NT5DC2: variants seen among roughly 807,000 people sequenced by gnomAD.
NT5DC2 encodes 5'-nucleotidase domain-containing protein 2.
In NT5DC2, 41 loss-of-function variants were observed where a neutral mutation model predicts 70.0. The ratio of observed to expected loss-of-function variants is 0.59; its 90% confidence interval spans 0.46 to 0.76. The LOEUF (loss-of-function observed/expected upper bound fraction) is 0.76. NT5DC2 is among the 30% of genes least tolerant of loss of function. The pLI is 0.00. For synonymous variants in NT5DC2, 299 were observed against 310.4 expected (o/e 0.96, Z 0.39); for missense variants, 705 against 783.2 (o/e 0.90, Z 1.19).
In NT5DC2 at chr3:52,524,704, C is replaced by T. The variant is rs759639852; in HGVS notation, c.1440G>A (p.Ala480=). Residue 480 remains alanine (A), a synonymous_variant, in exon 14 of 14, where the codon GCG becomes GCA. Transcript: ENST00000422318. The part of the protein sequence containing the change: ...LRCITKALFN[A]QFGSIFRTFH... ...AGGTGCGGAAGATGCTGCCGAACTG[C>T]GCATTGAACAGGGCCTTGGTGATGC... 3.5e-5 allele frequency: 56 copies of T among 1,612,734 alleles called. No individual in the cohort carries two copies. Among genetic ancestry groups the T allele is most frequent in the Admixed American group, 1.2e-4 (7 of 60,022 alleles).
intron 1 of NT5DC2, chr3:52,532,546 C>T (rs1336132797): frequency 1.0e-6 from 1 of 974,346 alleles, no homozygotes; most frequent in African/African-American, 1.8e-5. Context: ...TAGAATCTTC[C>T]AGACAGGGCT....
At chr3:52,534,215 G>A, upstream of NT5DC2, 1 of 418,074 alleles carries the variant, frequency 2.4e-6, no homozygotes, top group East Asian at 5.5e-5. Context: ...CCTACCCTGC[G>A]CCTCTGGATG....
intron 1 of NT5DC2, among the ~76,000 whole-genome samples, chr3:52,530,737 C>T (rs1176403568): frequency 1.3e-5 from 2 of 152,176 alleles, no homozygotes; most frequent in Admixed American, 1.3e-4. Context: ...TACAGAATTA[C>T]TAAGACTGTC....
Position 52,529,380 on chromosome 3 carries a change from C to T in NT5DC2, c.233-46G>A. On this transcript the variant is annotated intron_variant, in intron 1 of 13. Coordinates refer to ENST00000422318, the MANE Select transcript of NT5DC2 (RefSeq NM_001134231.2). This position sits in a 1 kb window ranked among gnomAD's most constrained non-coding sequence, Gnocchi z 4.1. ...GAGGCAGTGATGGGGATGATGATCCCTGCAGCAGCTATGGCTCCTGAGCAC... is the reference window on the plus strand; with the variant it reads ...GAGGCAGTGATGGGGATGATGATCCTTGCAGCAGCTATGGCTCCTGAGCAC... The T allele has an allele frequency of 6.3e-7, 1 of 1,581,776 alleles. No individual in the cohort carries two copies. Among genetic ancestry groups the T allele is most frequent in the East Asian group, 2.3e-5 (1 of 44,222 alleles).
chr3:52,534,104 T>A (rs544153571), upstream of NT5DC2: 283 of 271,702 alleles, frequency 1.0e-3, 6 homozygotes, highest in South Asian at 8.9e-3. Context: ...CCTGAGAGGC[T>A]CCGGACGGCC....
intron 1 of NT5DC2, 119 bp downstream of exon 1, chr3:52,533,387 C>T: frequency 8.8e-7 from 1 of 1,133,518 alleles, no homozygotes; most frequent in Non-Finnish European, 1.2e-6. Context: ...CCCTTGCGCT[C>T]CGGGGCCCTG....
At chr3:52,534,400 C>T, upstream of NT5DC2, 1 of 1,472,540 alleles carries the variant, frequency 6.8e-7, no homozygotes, top group Non-Finnish European at 9.3e-7. Context: ...GCCAGGCCCA[C>T]GCTGGGGGAG....
Position 52,525,099 on chromosome 3 carries a change from A to G in NT5DC2, c.1211T>C (p.Leu404Pro). The G allele has an allele frequency of 7.3e-7, 1 of 1,366,226 alleles. No homozygotes were observed. The highest frequency in any genetic ancestry group is 1.2e-5 in the South Asian group (1 of 83,758). 84.6% of individuals were successfully genotyped at this position (1,366,226 alleles called of 1,614,324 possible). ...TGTGCGCCAGCCGTGCCGCAGCATG[A>G]GATCCTGGTGGGTGGGGCGGCAGAA... The part of the protein sequence containing the change: ...GDHLYSDLAD[L>P]MLRHGWRTGA... The change falls in exon 12 of 14, where the codon CTC becomes CCC. Residue 404 changes from leucine (L) to proline (P), a missense_variant. Leu to Pro is a moderately conservative substitution (Grantham distance 98). Coordinates refer to ENST00000422318, the MANE Select transcript of NT5DC2 (RefSeq NM_001134231.2).
At chr3:52,527,968 C>A in intron 7 of NT5DC2, 37 bp from the exon 8 acceptor site, 1 of 1,613,442 alleles carries the variant, frequency 6.2e-7, no homozygotes, top group Non-Finnish European at 8.5e-7. Context: ...GTCAGTCCTG[C>A]CACCTGCTCA....
intron 1 of NT5DC2, 96 bp downstream of exon 1, chr3:52,533,410 G>C: frequency 7.7e-7 from 1 of 1,303,678 alleles, no homozygotes; most frequent in South Asian, 1.4e-5. Flanking sequence ...GAGCCCCACT[G>C]GGTGTTTCCC....
intron 5 of NT5DC2, 45 bp downstream of exon 5, chr3:52,528,400 TG>T: frequency 6.2e-7 from 1 of 1,613,216 alleles, no homozygotes; most frequent in South Asian, 1.1e-5. Context: ...CCTTGGGACA[TG>T]GGCACATGTC....
chr3:52,525,151 CGGGGGGG>C, intron 11 of NT5DC2, 48 bp from the exon 12 acceptor site: 1 of 1,162,494 alleles, frequency 8.6e-7, no homozygotes, highest in South Asian at 1.4e-5. Context: ...TTGCTGGGGG[CGGGGGGG>C]GGGGGGTTTC....
upstream of NT5DC2, chr3:52,534,943 GGGT>G (rs1257919471): frequency 2.5e-6 from 1 of 399,806 alleles, no homozygotes; most frequent in African/African-American, 2.1e-5. Context: ...GTGAGCAAGT[GGGT>G]GTGCTGGGAA....
intron 1 of NT5DC2, chr3:52,532,657 G>T: frequency 4.5e-6 from 1 of 223,008 alleles, no homozygotes; most frequent in Non-Finnish European, 7.5e-6. Context: ...CCCAACCCTG[G>T]GACAGAGAGG....
chr3:52,524,438 C>G lies in NT5DC2; in HGVS notation c.*32G>C, dbSNP rs933602317. 6.2e-7 allele frequency: 1 copy of G among 1,611,906 alleles called. No homozygotes were observed. Among genetic ancestry groups the G allele is most frequent in the Admixed American group, 1.7e-5 (1 of 60,010 alleles). ...GTCTGGGTGGATGGGGCAGGAGGGG[C>G]TGAGGGCCTGTCCCAGACAATAAAG... On this transcript the variant is annotated 3_prime_UTR_variant, in exon 14 of 14. Coordinates refer to ENST00000422318, the MANE Select transcript of NT5DC2 (RefSeq NM_001134231.2).
rs778432876 is a variant in NT5DC2, at chr3:52,524,736, C to A, written c.1413-5G>T. 7.4e-6 allele frequency: 12 copies of A among 1,612,422 alleles called. No individual in the cohort carries two copies. The Admixed American group carries it at 1.8e-4, about 25-fold the overall frequency. On this transcript the variant is annotated splice_polypyrimidine_tract_variant and splice_region_variant and intron_variant, in intron 13 of 13. Transcript: ENST00000422318. ...AACAGGGCCTTGGTGATGCACCTGG[C>A]GAGGGAGACACGATGCGCTCAAGGG...
chr3:52,534,998 GCAGCATC>G (rs2079408743), upstream of NT5DC2: 1 of 271,618 alleles, frequency 3.7e-6, no homozygotes, highest in Admixed American at 5.4e-5. Context: ...GGGATGCCCT[GCAGCATC>G]CAGCCGTCAA....
chr3:52,531,184 G>A lies in NT5DC2; in HGVS notation c.233-1850C>T, dbSNP rs979122308. Among the ~76,000 whole-genome samples the A allele has an allele frequency of 1.3e-5, 2 of 152,276 alleles. No individual in the cohort carries two copies. Among genetic ancestry groups the A allele is most frequent in the Admixed American group, 6.5e-5 (1 of 15,294 alleles). On this transcript the variant is annotated intron_variant, in intron 1 of 13. Coordinates refer to ENST00000422318, the MANE Select transcript of NT5DC2 (RefSeq NM_001134231.2). The surrounding 1 kb of genome is among the most constrained non-coding windows in gnomAD (Gnocchi z 4.1). ...TTTCCTTTGGAGCCAAGTTCAGGGT[G>A]TGGGTGGGGGATCAGGTGTGGCTGG...
intron 6 of NT5DC2, 37 bp from the exon 7 acceptor site, chr3:52,528,110 C>T: frequency 1.2e-6 from 2 of 1,612,908 alleles, no homozygotes; most frequent in Non-Finnish European, 1.7e-6. Flanking sequence ...TACAGCAGGG[C>T]CCAGGTGGGG....
Sources: gnomAD v4.1 joint callset for allele counts (sites outside exome capture counted in the v4.1 genomes callset) on GRCh38, gnomAD v4.1.1 for gene constraint, Gnocchi (gnomAD v3.1) non-coding constraint, MANE v1.5 for transcripts, NCBI Gene and HGNC (gene_info 2026-07-23, HGNC 2026-07-21) for gene names.